CACNA1E: variants seen among roughly 807,000 people sequenced by gnomAD.
CACNA1E encodes the protein voltage-dependent R-type calcium channel subunit alpha-1E.
In CACNA1E, 40 loss-of-function variants were observed where a neutral mutation model predicts 259.2. That is an observed-to-expected ratio of 0.15 (90% CI 0.12 to 0.20). CACNA1E has a LOEUF of 0.20. CACNA1E is among the 10% of genes least tolerant of loss of function. CACNA1E has a pLI of 1.00. For synonymous variants in CACNA1E, 1,104 were observed against 1,138.5 expected, an observed-to-expected ratio of 0.97 and a Z score of 0.61; for missense variants, 1,874 against 3,040.1, an observed-to-expected ratio of 0.62 and a Z score of 9.02.
chr1:181,390,201 G>A (rs1363954278), intron 1 of CACNA1E, among the ~76,000 whole-genome samples: 1 of 152,230 alleles, frequency 6.6e-6, no homozygotes, highest in Non-Finnish European at 1.5e-5. Flanking sequence ...CAAGGGAACA[G>A]GATCAGCGAT....
chr1:181,632,968 G>C (rs781081092), intron 6 of CACNA1E, among the ~76,000 whole-genome samples: 1 of 152,122 alleles, frequency 6.6e-6, no homozygotes, highest in Non-Finnish European at 1.5e-5. Context: ...TATTATTACT[G>C]TTGTCAATTA....
At chr1:181,448,434 C>T (rs1281431932) in intron 2 of CACNA1E, among the ~76,000 whole-genome samples, 1 of 152,220 alleles carries the variant, frequency 6.6e-6, no homozygotes, top group Non-Finnish European at 1.5e-5. Flanking sequence ...AGGACTCAAG[C>T]TCAGGTGGCT....
chr1:181,332,242 A>C (rs1176484259), intron 1 of CACNA1E, among the ~76,000 whole-genome samples: 1 of 152,220 alleles, frequency 6.6e-6, no homozygotes, highest in African/African-American at 2.4e-5. Flanking sequence ...AAGGGAGAGC[A>C]TCAGGAAGAA....
intron 1 of CACNA1E, among the ~76,000 whole-genome samples, chr1:181,343,619 TTTC>T (rs2102642126): frequency 6.6e-6 from 1 of 152,298 alleles, no homozygotes; most frequent in Non-Finnish European, 1.5e-5. Flanking sequence ...CCCTCAGCTG[TTTC>T]TTTATAGCAA....
intron 3 of CACNA1E, among the ~76,000 whole-genome samples, chr1:181,544,813 A>G (rs1647276785): frequency 1.3e-5 from 2 of 152,324 alleles, no homozygotes; most frequent in South Asian, 4.1e-4. Flanking sequence ...TGTCATTTAC[A>G]TGGGGCAGCA....
At chr1:181,480,874 C>G (rs182680341), upstream of CACNA1E, among the ~76,000 whole-genome samples, 5 of 152,294 alleles carry the variant, frequency 3.3e-5, no homozygotes, top group East Asian at 9.6e-4. Context: ...GTGCCTAAAA[C>G]AGTGCCTGGC....
At chr1:181,683,387 T>A (rs1029831185) in intron 7 of CACNA1E, among the ~76,000 whole-genome samples, 2 of 152,240 alleles carry the variant, frequency 1.3e-5, no homozygotes, top group African/African-American at 4.8e-5. Context: ...TTGTGTTCCA[T>A]GCTCTTATGC....
intron 2 of CACNA1E, among the ~76,000 whole-genome samples, chr1:181,445,610 C>T (rs527287183): frequency 1.6e-3 from 245 of 152,338 alleles, no homozygotes; most frequent in Non-Finnish European, 2.8e-3. Context: ...GGTATTACAC[C>T]AGGAGTATGA....
At chr1:181,476,851 G>A (rs1333871306) in intron 2 of CACNA1E, among the ~76,000 whole-genome samples, 1 of 152,132 alleles carries the variant, frequency 6.6e-6, no homozygotes, top group African/African-American at 2.4e-5. Context: ...GCTGCACTTT[G>A]CCTTGGCTGA....
At chr1:181,692,554 AG>A (rs2102329698) in intron 7 of CACNA1E, among the ~76,000 whole-genome samples, 4 of 152,334 alleles carry the variant, frequency 2.6e-5, no homozygotes, top group South Asian at 2.1e-4. Context: ...CAATGGGGAA[AG>A]GAATCCCTGC....
intron 7 of CACNA1E, among the ~76,000 whole-genome samples, chr1:181,705,676 C>T (rs1040833683): frequency 2.6e-5 from 4 of 152,146 alleles, no homozygotes; most frequent in Non-Finnish European, 5.9e-5. Flanking sequence ...TTAAGGATGA[C>T]AGAATTGGGT....
At chr1:181,748,370 G>A (rs1657293509) in intron 25 of CACNA1E, among the ~76,000 whole-genome samples, 1 of 152,156 alleles carries the variant, frequency 6.6e-6, no homozygotes, top group Non-Finnish European at 1.5e-5. Flanking sequence ...TGCTTTACTA[G>A]GATTCTGGGG....
At chr1:181,531,910 C>G (rs1280678051) in intron 3 of CACNA1E, among the ~76,000 whole-genome samples, 2 of 152,108 alleles carry the variant, frequency 1.3e-5, no homozygotes, top group Non-Finnish European at 2.9e-5. Context: ...CAAAAAATTA[C>G]CCCGGTGTGA....
chr1:181,531,177 A>T (rs1284711767), intron 3 of CACNA1E, among the ~76,000 whole-genome samples: 1 of 152,184 alleles, frequency 6.6e-6, no homozygotes, highest in Non-Finnish European at 1.5e-5. Context: ...ACCATAACTT[A>T]TTTGGATAAA....
At chr1:181,790,686 GT>G in intron 44 of CACNA1E, 130 bp downstream of exon 44, 1 of 672,964 alleles carries the variant, frequency 1.5e-6, no homozygotes, top group Non-Finnish European at 2.7e-6. Flanking sequence ...CCCTGGAGGT[GT>G]CCTGCCTTAG....
chr1:181,607,616 A>G (rs1363235737), intron 6 of CACNA1E, among the ~76,000 whole-genome samples: 1 of 152,188 alleles, frequency 6.6e-6, no homozygotes, highest in Non-Finnish European at 1.5e-5. Flanking sequence ...TGAGATTATT[A>G]ATGGTAATAA....
intron 3 of CACNA1E, among the ~76,000 whole-genome samples, chr1:181,513,868 C>T (rs1482582853): frequency 6.6e-6 from 1 of 152,216 alleles, no homozygotes; most frequent in African/African-American, 2.4e-5. Flanking sequence ...TCCCATCCCT[C>T]ACATCTTCCC....
chr1:181,563,844 A>G (rs1649556573), intron 3 of CACNA1E, among the ~76,000 whole-genome samples: 1 of 152,232 alleles, frequency 6.6e-6, no homozygotes, highest in African/African-American at 2.4e-5. Flanking sequence ...CAAATATCTC[A>G]AGAAAGTCAC....
rs1654087889 is a variant in CACNA1E at position 181,718,234 on chromosome 1, C to T, written c.1638+67C>T. On this transcript the variant is annotated intron_variant, in intron 12 of 47. Transcript: ENST00000367573. ...ATATGCCCTGGTTTTAGATAAGCAG[C>T]TTGCTCCTTACTCAGCATGAGGCAC... The T allele has an allele frequency of 5.1e-6, 4 of 776,732 alleles. No homozygotes were observed. The Admixed American group carries it at 8.1e-5, about 16-fold the overall frequency. The allele number at this position is 776,732 out of a possible 1,614,324, so 48.1% of individuals were successfully genotyped here.
Sources: gnomAD v4.1 joint callset for allele counts (sites outside exome capture counted in the v4.1 genomes callset) on GRCh38, gnomAD v4.1.1 for gene constraint, MANE v1.5 for transcripts, NCBI Gene and HGNC (gene_info 2026-07-23, HGNC 2026-07-21) for gene names.